The following NOX4 variants were observed in gnomAD, a reference collection of about 807,000 sequenced individuals.
NOX4 encodes the protein kidney oxidase-1.
A neutral mutation model predicts 87.6 loss-of-function variants in NOX4; 69 were observed. The observed-to-expected ratio is 0.79, with a 90% CI of 0.65 to 0.96. The LOEUF (loss-of-function observed/expected upper bound fraction) is 0.96, where lower values mean the gene tolerates loss of function less well. Ranked by LOEUF, NOX4 falls within the 40% of genes least tolerant of loss-of-function variation. The probability of loss-of-function intolerance (pLI) is 0.00; values close to 1 mark genes in which losing one functional copy is unlikely to be tolerated. For missense variants in NOX4, 680 were observed against 681.5 expected (o/e 1.00, Z 0.02); for synonymous variants, 275 against 238.2 (o/e 1.15, Z -1.42).
intron 2 of NOX4, among the ~76,000 whole-genome samples, chr11:89,477,724 C>T (rs1946226082): frequency 6.6e-6 from 1 of 151,972 alleles, no homozygotes; most frequent in South Asian, 2.1e-4. Flanking sequence ...CTGTTACTCT[C>T]CTATAAAATG....
the NOX4 span, among the ~76,000 whole-genome samples, chr11:89,580,401 C>T: frequency 6.6e-6 from 1 of 152,132 alleles, no homozygotes; most frequent in Non-Finnish European, 1.5e-5. Flanking sequence ...AGGCTAGTCT[C>T]GAACTTGTGC....
At chr11:89,438,067 C>G (rs1775846360) in intron 6 of NOX4, among the ~76,000 whole-genome samples, 1 of 150,932 alleles carries the variant, frequency 6.6e-6, no homozygotes, top group South Asian at 2.1e-4. Context: ...TAAGGTAGAC[C>G]CAGGAAATTT....
chr11:89,334,517 T>A (rs571223623), intron 17 of NOX4, among the ~76,000 whole-genome samples: 4 of 151,820 alleles, frequency 2.6e-5, no homozygotes, highest in Non-Finnish European at 5.9e-5. Flanking sequence ...AACAAAATCT[T>A]TGAAGGTAGA....
chr11:89,466,741 G>C (rs1315411698), intron 2 of NOX4, among the ~76,000 whole-genome samples: 1 of 152,128 alleles, frequency 6.6e-6, no homozygotes, highest in East Asian at 1.9e-4. Context: ...TGATAAATGA[G>C]AAACAGAGTA....
intron 2 of NOX4, among the ~76,000 whole-genome samples, chr11:89,474,368 T>C (rs1946077493): frequency 6.6e-6 from 1 of 151,606 alleles, no homozygotes. Context: ...TTGGAATTTC[T>C]TTAAAAAGTA....
At chr11:89,570,000 T>A in the NOX4 span, among the ~76,000 whole-genome samples, 6 of 80,456 alleles carry the variant, frequency 7.5e-5, no homozygotes, top group African/African-American at 2.8e-4. Context: ...AGACTCTGTC[T>A]CAAAAAAAAA....
At chr11:89,381,637 C>G (rs753359173) in intron 11 of NOX4, among the ~76,000 whole-genome samples, 6 of 152,188 alleles carry the variant, frequency 3.9e-5, no homozygotes, top group African/African-American at 1.4e-4. Flanking sequence ...TAAGCAAAGC[C>G]TGTTTGGTGG....
At chr11:89,433,895 G>T (rs1053640502) in intron 6 of NOX4, among the ~76,000 whole-genome samples, 2 of 152,008 alleles carry the variant, frequency 1.3e-5, no homozygotes, top group East Asian at 3.9e-4. Context: ...AACAGCTAAA[G>T]TGTCAATGGT....
intron 2 of NOX4, among the ~76,000 whole-genome samples, chr11:89,467,071 G>A (rs899672050): frequency 6.6e-6 from 1 of 151,950 alleles, no homozygotes; most frequent in African/African-American, 2.4e-5. Flanking sequence ...TTTATCGGCC[G>A]GGCACGGTGG....
chr11:89,560,370 C>G, the NOX4 span, among the ~76,000 whole-genome samples: 70 of 152,088 alleles, frequency 4.6e-4, no homozygotes, highest in African/African-American at 1.6e-3. Context: ...TTTTTTAGCC[C>G]CCAGAACTGT....
chr11:89,403,025 C>T (rs1941966379), intron 8 of NOX4, among the ~76,000 whole-genome samples: 1 of 152,284 alleles, frequency 6.6e-6, no homozygotes, highest in African/African-American at 2.4e-5. Context: ...ACAGAAATAA[C>T]TGGAACTGGA....
chr11:89,518,808 T>C, the NOX4 span, among the ~76,000 whole-genome samples: 6 of 152,204 alleles, frequency 3.9e-5, no homozygotes, highest in East Asian at 1.2e-3. Flanking sequence ...TCCACAGTGC[T>C]CTAAGGACGA....
the NOX4 span, among the ~76,000 whole-genome samples, chr11:89,561,063 A>C: frequency 9.1e-6 from 1 of 109,376 alleles, no homozygotes; most frequent in Non-Finnish European, 1.9e-5. Context: ...ATATATATAT[A>C]TATATATATA....
chr11:89,517,671 C>A, the NOX4 span, among the ~76,000 whole-genome samples: 7 of 151,004 alleles, frequency 4.6e-5, no homozygotes, highest in South Asian at 2.1e-4. Context: ...TTTGTAGAAA[C>A]AAAGTTTCAC....
chr11:89,342,338 T>A, intron 13 of NOX4, 145 bp from the exon 14 acceptor site: 1 of 610,666 alleles, frequency 1.6e-6, no homozygotes, highest in Non-Finnish European at 2.8e-6. Flanking sequence ...GTGATTAGCC[T>A]AAAGGAGTAG....
At chr11:89,477,899 T>A (rs759075876) in intron 2 of NOX4, among the ~76,000 whole-genome samples, 1 of 152,174 alleles carries the variant, frequency 6.6e-6, no homozygotes, top group Admixed American at 6.5e-5. Flanking sequence ...TATACTGTCA[T>A]TGGCAAAATA....
At chr11:89,556,498 G>A in the NOX4 span, among the ~76,000 whole-genome samples, 6 of 151,628 alleles carry the variant, frequency 4.0e-5, no homozygotes, top group South Asian at 2.1e-4. Flanking sequence ...ATTCCAGCCT[G>A]GGTGAAAGGG....
chr11:89,455,744 A>ATATATATATATATATATATATGTG (rs1163284365), intron 2 of NOX4, among the ~76,000 whole-genome samples: 3 of 146,898 alleles, frequency 2.0e-5, no homozygotes, highest in African/African-American at 7.8e-5. Flanking sequence ...ATATATATAT[A>ATATATATATATATATATATATGTG]TGAAACAAAA....
intron 4 of NOX4, among the ~76,000 whole-genome samples, chr11:89,446,308 T>A (rs1392237343): frequency 2.6e-5 from 4 of 152,022 alleles, no homozygotes; most frequent in African/African-American, 9.7e-5. Flanking sequence ...AGTTTGGTGG[T>A]TTCTTAAAAA....
Sources: gnomAD v4.1 joint callset for allele counts (sites outside exome capture counted in the v4.1 genomes callset) on GRCh38, gnomAD v4.1.1 for gene constraint, MANE v1.5 for transcripts, NCBI Gene and HGNC (gene_info 2026-07-23, HGNC 2026-07-21) for gene names.